Variants in TRAPPC9 observed in about 807,000 individuals in gnomAD.
The protein encoded by TRAPPC9 is trafficking protein particle complex subunit 9.
A neutral mutation model predicts 124.0 loss-of-function variants in TRAPPC9; 83 were observed. The ratio of observed to expected loss-of-function variants is 0.67; its 90% CI spans 0.56 to 0.80. The LOEUF (loss-of-function observed/expected upper bound fraction) is 0.80, where lower values mean the gene tolerates loss of function less well. Among genes scored for constraint, TRAPPC9 ranks in the 30% least tolerant of loss-of-function variants. The probability of loss-of-function intolerance (pLI) is 0.00; values close to 1 mark genes in which losing one functional copy is unlikely to be tolerated. For missense variants in TRAPPC9, 1,302 were observed against 1,508.3 expected, an observed-to-expected ratio of 0.86 and a Z score of 2.27; for synonymous variants, 638 against 617.5, an observed-to-expected ratio of 1.03 and a Z score of -0.49.
chr8:140,251,388 T>C (rs2064129824), intron 16 of TRAPPC9, among the ~76,000 whole-genome samples: 1 of 152,240 alleles, frequency 6.6e-6, no homozygotes, highest in Non-Finnish European at 1.5e-5. Context: ...AAAATCCGTG[T>C]CATCAGACAT....
intron 21 of TRAPPC9, among the ~76,000 whole-genome samples, chr8:139,759,689 T>G (rs2130339156): frequency 6.6e-6 from 1 of 152,282 alleles, no homozygotes; most frequent in Non-Finnish European, 1.5e-5. Flanking sequence ...AAACACGAAC[T>G]GCAGACACGG....
At chr8:140,163,484 C>A (rs568855218) in intron 17 of TRAPPC9, among the ~76,000 whole-genome samples, 2 of 152,318 alleles carry the variant, frequency 1.3e-5, no homozygotes, top group East Asian at 3.9e-4. Flanking sequence ...TCCAAGTCTG[C>A]TGCTATCTGA....
intron 9 of TRAPPC9, among the ~76,000 whole-genome samples, chr8:140,335,943 A>C (rs1158267084): frequency 1.3e-5 from 2 of 152,040 alleles, no homozygotes; most frequent in African/African-American, 4.8e-5. Context: ...CCTGACCTCA[A>C]GTGGTAGGCC....
At chr8:139,996,158 C>CAAAAA in intron 18 of TRAPPC9, among the ~76,000 whole-genome samples, 373 of 19,290 alleles carry the variant, frequency 0.019, 2 homozygotes, top group Middle Eastern at 0.12. Context: ...AAAACTTAAG[C>CAAAAA]AAAAAAAAAA....
chr8:139,876,446 G>A (rs1587068517), intron 21 of TRAPPC9, among the ~76,000 whole-genome samples: 4 of 152,210 alleles, frequency 2.6e-5, no homozygotes, highest in Admixed American at 2.6e-4. Context: ...GGCAGCTGGG[G>A]GTCAGGCTCT....
At chr8:139,836,066 T>G (rs1285435015) in intron 21 of TRAPPC9, among the ~76,000 whole-genome samples, 1 of 152,046 alleles carries the variant, frequency 6.6e-6, no homozygotes, top group Admixed American at 6.6e-5. Context: ...TGGAGCGCAG[T>G]GGTACCATTT....
At chr8:140,062,973 G>A (rs1212567868) in intron 17 of TRAPPC9, among the ~76,000 whole-genome samples, 1 of 116,744 alleles carries the variant, frequency 8.6e-6, no homozygotes. Context: ...AGCATGCCTG[G>A]GGAAGCCTCA....
chr8:139,944,902 C>T (rs966654715), intron 19 of TRAPPC9, among the ~76,000 whole-genome samples: 1 of 152,204 alleles, frequency 6.6e-6, no homozygotes, highest in South Asian at 2.1e-4. Context: ...GTGGGCAGAT[C>T]ACCTGAGATC....
chr8:139,746,738 C>T (rs1252803304), intron 21 of TRAPPC9, among the ~76,000 whole-genome samples: 1 of 152,182 alleles, frequency 6.6e-6, no homozygotes, highest in African/African-American at 2.4e-5. Context: ...TTACAGGCCA[C>T]CAGAGCTCAT....
chr8:140,122,847 T>C (rs2061012741), intron 17 of TRAPPC9, among the ~76,000 whole-genome samples: 1 of 152,196 alleles, frequency 6.6e-6, no homozygotes, highest in Admixed American at 6.5e-5. Context: ...TGAGCCCATC[T>C]TGAAGGGCCC....
At chr8:140,444,879 A>C (rs572375790) in intron 2 of TRAPPC9, among the ~76,000 whole-genome samples, 1 of 150,884 alleles carries the variant, frequency 6.6e-6, no homozygotes, top group African/African-American at 2.5e-5. Context: ...AAAAAAAAAA[A>C]AACAGGATCT....
intron 17 of TRAPPC9, among the ~76,000 whole-genome samples, chr8:140,083,760 A>G (rs1046506982): frequency 3.0e-4 from 45 of 152,118 alleles, no homozygotes; most frequent in African/African-American, 1.0e-3. Flanking sequence ...TTTGCCTCCT[A>G]GGTTCAAGTG....
At chr8:140,298,386 T>C (rs575030362) in intron 11 of TRAPPC9, among the ~76,000 whole-genome samples, 9 of 152,138 alleles carry the variant, frequency 5.9e-5, no homozygotes. Context: ...GACGCAGAGG[T>C]CCCCACCTGT....
At chr8:140,126,061 A>C (rs74783346) in intron 17 of TRAPPC9, among the ~76,000 whole-genome samples, 7,611 of 152,118 alleles carry the variant, frequency 0.05, 286 homozygotes, top group African/African-American at 0.1. Context: ...CATGAGCCAC[A>C]GCACCAAGCC....
chr8:140,300,542 C>T lies in TRAPPC9; in HGVS notation c.1695G>A (p.Val565=), dbSNP rs1266291521. ...HKMKSLLGQN[V]STKSPFIYSP... ...AATAGATGAAAGGACTTTTGGTTGA[C>T]ACGTTCTGACCCAGCAAGCTTTTCA... Residue 565 remains valine (V), a synonymous_variant, in exon 11 of 23, where the codon GTG becomes GTA. Coordinates refer to ENST00000438773, the MANE Select transcript of TRAPPC9 (RefSeq NM_001160372.4). 13 of 1,614,122 alleles carry T rather than the reference C, an allele frequency of 8.1e-6. No individual in the cohort carries two copies. The highest frequency in any genetic ancestry group is 1.1e-5 in the Non-Finnish European group (13 of 1,180,048).
At chr8:140,448,567 A>G (rs898948192) in intron 2 of TRAPPC9, among the ~76,000 whole-genome samples, 18 of 152,232 alleles carry the variant, frequency 1.2e-4, no homozygotes, top group African/African-American at 4.1e-4. Context: ...GTGGCAAAGG[A>G]GGAAGGCATG....
rs7838411 is a variant in TRAPPC9, at chr8:140,341,055, C to T, written c.1495+18995G>A. Reference sequence around the variant, plus strand: ...CCTCATGTTACTGAGGAGGAAACAACAGCAGAGGAAAAAAAGGCAACTGGG... The same window carrying T: ...CCTCATGTTACTGAGGAGGAAACAATAGCAGAGGAAAAAAAGGCAACTGGG... On this transcript the variant is annotated intron_variant, in intron 9 of 22. Coordinates refer to ENST00000438773, the MANE Select transcript of TRAPPC9 (RefSeq NM_001160372.4). Among the ~76,000 whole-genome samples, 279 of 152,172 alleles carry T rather than the reference C, an allele frequency of 1.8e-3. 1 individual carries two copies. The highest frequency in any genetic ancestry group is 6.6e-3 in the African/African-American group (273 of 41,514).
chr8:139,953,609 C>T (rs1834800349), intron 19 of TRAPPC9, among the ~76,000 whole-genome samples: 1 of 152,020 alleles, frequency 6.6e-6, no homozygotes, highest in South Asian at 2.1e-4. Context: ...CTGAGTGACG[C>T]TTGAAAAGAT....
At chr8:140,339,930 C>T (rs2067146563) in intron 9 of TRAPPC9, among the ~76,000 whole-genome samples, 1 of 152,092 alleles carries the variant, frequency 6.6e-6, no homozygotes. Context: ...ACAACCTCCA[C>T]CTCCCAGGTT....
Sources: gnomAD v4.1 joint callset for allele counts (sites outside exome capture counted in the v4.1 genomes callset) on GRCh38, gnomAD v4.1.1 for gene constraint, MANE v1.5 for transcripts, NCBI Gene and HGNC (gene_info 2026-07-23, HGNC 2026-07-21) for gene names.